SHC3: variants seen among roughly 807,000 people sequenced by gnomAD.
SHC3 encodes the protein SHC-transforming protein 3.
Under a neutral mutation model 60.4 loss-of-function variants are expected in SHC3, and 15 were observed. That is an observed-to-expected ratio of 0.25 (90% CI 0.17 to 0.38). SHC3 has a LOEUF of 0.38. Among genes scored for constraint, SHC3 ranks in the 10% least tolerant of loss-of-function variants. The pLI is 1.00. For synonymous variants in SHC3, 294 were observed against 325.9 expected (o/e 0.90, Z 1.05); for missense variants, 677 against 786.1 (o/e 0.86, Z 1.66).
chr9:89,161,802 G>A (rs985696151), intron 1 of SHC3, among the ~76,000 whole-genome samples: 1 of 145,074 alleles, frequency 6.9e-6, no homozygotes, highest in African/African-American at 2.6e-5. Context: ...AAGTCAAATT[G>A]TCCCTGTTTG....
chr9:89,129,959 T>G (rs559326217), intron 1 of SHC3, among the ~76,000 whole-genome samples: 66 of 152,274 alleles, frequency 4.3e-4, no homozygotes, highest in Middle Eastern at 3.4e-3. Flanking sequence ...AGACACAGAC[T>G]GGCAAATTGG....
rs536366105 is a variant in SHC3, at chr9:89,130,178, C to T, written c.475-17552G>A. ...TCAAAAGAGACAAAGAAGGCCATTA[C>T]ATAATGGTAAAGGGATCAATTCAAC... On this transcript the variant is annotated intron_variant, in intron 1 of 11. Transcript: ENST00000375835. 1.4e-4 allele frequency among the ~76,000 whole-genome samples: 21 copies of T among 152,326 alleles called. No individual in the cohort carries two copies. The South Asian group carries it at 4.4e-3, about 32-fold the overall frequency.
chr9:89,174,696 C>T (rs534066168), intron 1 of SHC3, among the ~76,000 whole-genome samples: 8 of 152,318 alleles, frequency 5.3e-5, no homozygotes, highest in African/African-American at 1.9e-4. Context: ...TTGGGGACCA[C>T]GCTGGGGCCA....
intron 10 of SHC3, among the ~76,000 whole-genome samples, chr9:89,040,114 TCACCACCACCAG>T (rs1210390738): frequency 7.2e-6 from 1 of 138,716 alleles, no homozygotes; most frequent in African/African-American, 2.7e-5. Flanking sequence ...ACCACCATCA[TCACCACCACCAG>T]CACCATCAGC....
intron 1 of SHC3, among the ~76,000 whole-genome samples, chr9:89,176,476 G>C (rs951786066): frequency 9.9e-5 from 15 of 152,188 alleles, no homozygotes; most frequent in African/African-American, 3.6e-4. Flanking sequence ...AAAAAGCTTT[G>C]CCAAGGTCTA....
intron 6 of SHC3, among the ~76,000 whole-genome samples, chr9:89,060,605 T>C (rs1037244528): frequency 2.6e-5 from 4 of 151,776 alleles, no homozygotes; most frequent in Admixed American, 6.6e-5. Flanking sequence ...GAGGGGATCA[T>C]AGGAAGTGAG....
At chr9:89,177,487 C>T (rs962423103) in intron 1 of SHC3, among the ~76,000 whole-genome samples, 1 of 152,242 alleles carries the variant, frequency 6.6e-6, no homozygotes, top group African/African-American at 2.4e-5. Flanking sequence ...CAGCATTTGG[C>T]CTGCTCTGCA....
chr9:89,071,526 A>G (rs1040255987), intron 4 of SHC3, among the ~76,000 whole-genome samples: 1 of 152,204 alleles, frequency 6.6e-6, no homozygotes, highest in Non-Finnish European at 1.5e-5. Context: ...GTGAGGAGCC[A>G]GAACCCAGAG....
At chr9:89,015,563 T>C (rs1826079173) in intron 11 of SHC3, among the ~76,000 whole-genome samples, 1 of 152,198 alleles carries the variant, frequency 6.6e-6, no homozygotes, top group South Asian at 2.1e-4. Context: ...CACACATATA[T>C]GTATTTACTG....
chr9:89,097,306 G>A (rs1438260131), intron 2 of SHC3, among the ~76,000 whole-genome samples: 1 of 152,084 alleles, frequency 6.6e-6, no homozygotes, highest in Non-Finnish European at 1.5e-5. Context: ...TACTTCAAAA[G>A]GAACTATAAG....
intron 1 of SHC3, among the ~76,000 whole-genome samples, chr9:89,168,477 T>C (rs1460714800): frequency 6.6e-6 from 1 of 151,898 alleles, no homozygotes; most frequent in Non-Finnish European, 1.5e-5. Flanking sequence ...AAAAAAAAAG[T>C]TTCTCTATTT....
chr9:89,177,236 C>A (rs1826953775), intron 1 of SHC3, among the ~76,000 whole-genome samples: 1 of 152,190 alleles, frequency 6.6e-6, no homozygotes, highest in South Asian at 2.1e-4. Context: ...TTATTGACTA[C>A]ATCGTGATTT....
chr9:89,127,704 A>G lies in SHC3; in HGVS notation c.475-15078T>C, dbSNP rs1273454141. Among the ~76,000 whole-genome samples, 3 of 152,010 alleles carry G rather than the reference A, an allele frequency of 2.0e-5. No individual in the cohort carries two copies. The East Asian group carries it at 5.8e-4, about 29-fold the overall frequency. On this transcript the variant is annotated intron_variant, in intron 1 of 11. Transcript: ENST00000375835. Reference sequence around the variant, plus strand: ...TAGCTAATGGCAGTTATGGGGGGATACTTGCCTCTTCGCATGTTTGTATTA... The same window carrying G: ...TAGCTAATGGCAGTTATGGGGGGATGCTTGCCTCTTCGCATGTTTGTATTA...
At chr9:89,158,832 C>T (rs553397397) in intron 1 of SHC3, among the ~76,000 whole-genome samples, 20 of 152,288 alleles carry the variant, frequency 1.3e-4, no homozygotes, top group African/African-American at 4.8e-4. Flanking sequence ...AGTACTATTC[C>T]ATAGTGTAAA....
chr9:89,099,503 A>G (rs923623740), intron 2 of SHC3, among the ~76,000 whole-genome samples: 1 of 152,098 alleles, frequency 6.6e-6, no homozygotes, highest in Non-Finnish European at 1.5e-5. Flanking sequence ...TATTTCCAGT[A>G]TTTTCTTCCA....
intron 2 of SHC3, among the ~76,000 whole-genome samples, chr9:89,090,925 C>A (rs1416926064): frequency 6.6e-6 from 1 of 152,144 alleles, no homozygotes; most frequent in South Asian, 2.1e-4. Context: ...TGGGGATCCC[C>A]CAGGCACATC....
At chr9:89,142,206 A>G (rs962894657) in intron 1 of SHC3, among the ~76,000 whole-genome samples, 1 of 152,172 alleles carries the variant, frequency 6.6e-6, no homozygotes. Flanking sequence ...GAATGACTCT[A>G]ACCTTCTTAA....
intron 2 of SHC3, among the ~76,000 whole-genome samples, chr9:89,091,483 A>G (rs1293726526): frequency 6.6e-6 from 1 of 152,252 alleles, no homozygotes; most frequent in Non-Finnish European, 1.5e-5. Context: ...ATACATACAA[A>G]GTAAAATAAA....
chr9:89,169,774 C>T (rs566379493), intron 1 of SHC3, among the ~76,000 whole-genome samples: 37 of 152,310 alleles, frequency 2.4e-4, no homozygotes, highest in Admixed American at 1.7e-3. Flanking sequence ...CCTGGGGCCT[C>T]ATTTTACCAT....
Sources: allele counts gnomAD v4.1 joint callset (sites outside exome capture counted in the v4.1 genomes callset), GRCh38; gene constraint gnomAD v4.1.1; transcripts MANE v1.5; gene names NCBI Gene and HGNC (gene_info 2026-07-23, HGNC 2026-07-21).